The following WDR44 variants were observed in gnomAD, a reference collection of about 807,000 sequenced individuals.
WDR44 encodes the protein WD repeat domain 44, also known as WD repeat-containing protein 44.
In WDR44, 9 loss-of-function variants were observed where a neutral mutation model predicts 65.7. The observed-to-expected ratio is 0.14, with a 90% confidence interval of 0.08 to 0.24. WDR44 has a LOEUF of 0.24. Among genes scored for constraint, WDR44 ranks in the 10% least tolerant of loss-of-function variants. WDR44 has a pLI of 1.00. For missense variants in WDR44, 425 were observed against 670.9 expected (o/e 0.63, Z 4.05); for synonymous variants, 220 against 235.2 (o/e 0.94, Z 0.59).
chrX:118,349,953 ATTT>A (rs11300990), intron 1 of WDR44, among the ~76,000 whole-genome samples: 1 of 99,511 alleles, frequency 1.0e-5, no homozygotes. Flanking sequence ...CTAGTCCAGT[ATTT>A]TTTTTTTTTT....
intron 10 of WDR44, among the ~76,000 whole-genome samples, 181 bp downstream of exon 10, chrX:118,407,207 A>T (rs1168150820): frequency 8.9e-6 from 1 of 112,232 alleles, no homozygotes; most frequent in Non-Finnish European, 1.9e-5. Context: ...ATTATTCCAG[A>T]AGTGACTTAT....
Position 118,346,348 on chromosome X carries a change from C to G in WDR44, c.-156C>G, listed in dbSNP as rs1218621769. ...CCGGCAACTGAGGGCGGCCCCCTTT[C>G]CTTAACAGTCTCCTCGCTACAGATC... is the stretch of plus-strand genomic sequence containing the variant. On this transcript the variant is annotated 5_prime_UTR_variant, in exon 1 of 20. Transcript: ENST00000254029. 2.1e-6 allele frequency: 1 copy of G among 477,100 alleles called. No homozygotes were observed. The highest frequency in any genetic ancestry group is 3.6e-6 in the Non-Finnish European group (1 of 274,352). 39.3% of individuals were successfully genotyped at this position (477,100 alleles called of 1,213,427 possible). A position where few individuals can be genotyped will look rare whatever the true frequency, so the allele number is the denominator to read the frequency against.
At chrX:118,436,440 A>T in intron 13 of WDR44, 1 of 377,544 alleles carries the variant, frequency 2.6e-6, no homozygotes, top group Non-Finnish European at 4.9e-6. Context: ...TGCCTGGCAG[A>T]TTTCTTTAGA....
intron 2 of WDR44, among the ~76,000 whole-genome samples, chrX:118,378,790 T>C (rs7057836): frequency 0.13 from 12,957 of 102,561 alleles, 1,045 homozygotes; most frequent in African/African-American, 0.27. Flanking sequence ...TCTCAACACA[T>C]TGGGGGGCTG....
chrX:118,387,343 A>G lies in WDR44; in HGVS notation c.115A>G (p.Thr39Ala). The change falls in exon 3 of 20, where the codon ACA becomes GCA. Residue 39 changes from threonine (T) to alanine (A), a missense_variant. This residue lies in a region of WDR44 where 193 missense variants were observed against 209.0 expected (regional missense o/e 0.92). Transcript: ENST00000254029. ...GKVGLSTFKE[T>A]ENTAYKVGNE... Reference sequence around the variant, plus strand: ...ATTTCTTTTCTTTTTCAAACAGGAAACAGAGAACACTGCATACAAAGTTGG... The same window carrying G: ...ATTTCTTTTCTTTTTCAAACAGGAAGCAGAGAACACTGCATACAAAGTTGG... 7 of 1,185,789 alleles carry G rather than the reference A, an allele frequency of 5.9e-6. No homozygotes were observed. Among genetic ancestry groups the G allele is most frequent in the Non-Finnish European group, 7.9e-6 (7 of 881,014 alleles).
intron 1 of WDR44, among the ~76,000 whole-genome samples, chrX:118,348,404 T>C (rs958534511): frequency 3.6e-5 from 4 of 112,257 alleles, no homozygotes; most frequent in African/African-American, 1.3e-4. Flanking sequence ...TCAAGCACTT[T>C]GATCCTCTGA....
chrX:118,394,220 T>G (rs140745470), intron 5 of WDR44, 35 bp downstream of exon 5: 10 of 1,198,864 alleles, frequency 8.3e-6, no homozygotes, highest in Non-Finnish European at 1.1e-5. Context: ...ATATAGACTT[T>G]ATCAGCTCCC....
intron 1 of WDR44, among the ~76,000 whole-genome samples, chrX:118,349,389 G>A (rs2056382517): frequency 9.3e-6 from 1 of 108,081 alleles, no homozygotes; most frequent in Non-Finnish European, 1.9e-5. Flanking sequence ...TCAGCTAAAG[G>A]TTTTTTTAGA....
chrX:118,406,915 T>C lies in WDR44; in HGVS notation c.1422T>C (p.Asp474=). Residue 474 remains aspartate, a synonymous_variant, in exon 10 of 20, where the codon GAT becomes GAC. Transcript: ENST00000254029. ...AAGATGATCCTTCATCAAGTGATGATGAAGGAATGCCATACACAAGACCAG... is the reference window on the plus strand; with the variant it reads ...AAGATGATCCTTCATCAAGTGATGACGAAGGAATGCCATACACAAGACCAG... The part of the protein sequence containing the change: ...TDQDDPSSSD[D]EGMPYTRPVK... The C allele has an allele frequency of 1.7e-6, 2 of 1,210,579 alleles. No individual in the cohort carries two copies. Among genetic ancestry groups the C allele is most frequent in the Non-Finnish European group, 2.2e-6 (2 of 894,664 alleles).
chrX:118,351,695 A>T (rs185194555), intron 1 of WDR44, among the ~76,000 whole-genome samples: 1 of 111,614 alleles, frequency 9.0e-6, no homozygotes, highest in Admixed American at 9.5e-5. Flanking sequence ...CACGCCTGTA[A>T]TCTCAGCAGT....
intron 14 of WDR44, among the ~76,000 whole-genome samples, chrX:118,441,043 T>G (rs938523441): frequency 1.1e-5 from 1 of 88,997 alleles, no homozygotes; most frequent in Non-Finnish European, 2.1e-5. Context: ...CACTGCAACC[T>G]CCACCTCCTG....
At chrX:118,441,676 A>C (rs2057305815) in intron 15 of WDR44, 117 bp downstream of exon 15, 3 of 567,442 alleles carry the variant, frequency 5.3e-6, no homozygotes, top group South Asian at 4.7e-5. Context: ...AATAGAGACA[A>C]ATAATACCAT....
chrX:118,446,867 T>TATGA (rs767020047), intron 19 of WDR44, among the ~76,000 whole-genome samples: 12 of 109,412 alleles, frequency 1.1e-4, no homozygotes, highest in Non-Finnish European at 1.7e-4. Context: ...TTTTTTAACT[T>TATGA]ATGAATGAAT....
intron 8 of WDR44, among the ~76,000 whole-genome samples, chrX:118,404,069 C>T (rs926031768): frequency 8.9e-6 from 1 of 111,984 alleles, no homozygotes; most frequent in Non-Finnish European, 1.9e-5. Context: ...CTACCTCTGC[C>T]AATCAATTTT....
chrX:118,347,066 T>C (rs1482285467), intron 1 of WDR44, among the ~76,000 whole-genome samples: 1 of 112,204 alleles, frequency 8.9e-6, no homozygotes, highest in African/African-American at 3.2e-5. Flanking sequence ...TTTGCCGTCC[T>C]CTTTTTCTTG....
intron 8 of WDR44, among the ~76,000 whole-genome samples, chrX:118,399,745 G>A (rs189892587): frequency 1.8e-5 from 2 of 111,600 alleles, no homozygotes; most frequent in Non-Finnish European, 1.9e-5. Flanking sequence ...GTGACAACAT[G>A]TAAGTTGACA....
rs751505745 is a variant in WDR44, at chrX:118,346,456, C to T, written c.-48C>T. On this transcript the variant is annotated 5_prime_UTR_variant, in exon 1 of 20. Coordinates refer to ENST00000254029, the MANE Select transcript of WDR44 (RefSeq NM_019045.5). Reference sequence around the variant, plus strand: ...CGACGAGGAGGAGACAAGAGTCACCCTTCCTCCAGGCGGCGCCGGCCCCCT... The same window carrying T: ...CGACGAGGAGGAGACAAGAGTCACCTTTCCTCCAGGCGGCGCCGGCCCCCT... The T allele has an allele frequency of 1.1e-5, 12 of 1,130,657 alleles. No individual in the cohort carries two copies. The highest frequency in any genetic ancestry group is 4.4e-5 in the Admixed American group (2 of 45,439). 93.2% of individuals were successfully genotyped at this position (1,130,657 alleles called of 1,213,427 possible).
chrX:118,447,169 G>T, intron 19 of WDR44: 1 of 254,306 alleles, frequency 3.9e-6, no homozygotes, highest in South Asian at 3.9e-5. Flanking sequence ...CATCATACCT[G>T]GCCTTTTTTT....
At chrX:118,369,659 G>C (rs1004580958) in intron 1 of WDR44, among the ~76,000 whole-genome samples, 4 of 107,803 alleles carry the variant, frequency 3.7e-5, no homozygotes, top group Non-Finnish European at 7.6e-5. Context: ...TAGTAGAGAT[G>C]GGGTTTCACC....
Sources: allele counts gnomAD v4.1 joint callset (sites outside exome capture counted in the v4.1 genomes callset), GRCh38; gene constraint gnomAD v4.1.1; regional missense constraint gnomAD v4.1.1; transcripts MANE v1.5; gene names NCBI Gene and HGNC (gene_info 2026-07-23, HGNC 2026-07-21).